RANBP2: variants seen among roughly 807,000 people sequenced by gnomAD.
RANBP2 encodes RAN binding protein 2.
In RANBP2, 57 loss-of-function variants were observed where a neutral mutation model predicts 303.6. The observed-to-expected ratio is 0.19, with a 90% CI of 0.15 to 0.23. The LOEUF is 0.23. RANBP2 is among the 10% of genes least tolerant of loss of function. RANBP2 has a pLI of 1.00. For missense variants in RANBP2, 3,138 were observed against 3,780.8 expected, an observed-to-expected ratio of 0.83 and a Z score of 4.46; for synonymous variants, 1,167 against 1,301.5, an observed-to-expected ratio of 0.90 and a Z score of 2.23.
the RANBP2 span, among the ~76,000 whole-genome samples, chr2:109,259,372 T>C: frequency 6.6e-6 from 1 of 152,184 alleles, no homozygotes; most frequent in South Asian, 2.1e-4. Context: ...GGAGGCATCC[T>C]ACATACCTGC....
At chr2:109,027,238 G>A in the RANBP2 span, among the ~76,000 whole-genome samples, 4 of 98,774 alleles carry the variant, frequency 4.0e-5, no homozygotes, top group Admixed American at 1.5e-4. Context: ...GTGAGGCTCT[G>A]TCTCAAAAAA....
the RANBP2 span, among the ~76,000 whole-genome samples, chr2:109,140,735 G>A: frequency 6.6e-6 from 1 of 151,980 alleles, no homozygotes; most frequent in Non-Finnish European, 1.5e-5. Context: ...TCTGCAAAAG[G>A]CCTATGTGCT....
chr2:109,274,627 G>A, the RANBP2 span, among the ~76,000 whole-genome samples: 1 of 152,216 alleles, frequency 6.6e-6, no homozygotes, highest in Non-Finnish European at 1.5e-5. Flanking sequence ...CATGGGCTGA[G>A]AAGAGGCGGC....
chr2:109,401,967 G>A, the RANBP2 span, among the ~76,000 whole-genome samples: 1 of 152,206 alleles, frequency 6.6e-6, no homozygotes, highest in Non-Finnish European at 1.5e-5. Context: ...CGAAAGTCAT[G>A]GCCAGGCTAC....
At chr2:109,244,734 G>A in the RANBP2 span, among the ~76,000 whole-genome samples, 1 of 152,180 alleles carries the variant, frequency 6.6e-6, no homozygotes, top group Non-Finnish European at 1.5e-5. Flanking sequence ...AGGAGTCAAA[G>A]TCACTCAGAA....
At chr2:109,726,831 T>G in the RANBP2 span, among the ~76,000 whole-genome samples, 2 of 152,140 alleles carry the variant, frequency 1.3e-5, no homozygotes, top group Non-Finnish European at 2.9e-5. Context: ...GGAGAACCTT[T>G]GGGGCCTCCC....
At chr2:109,217,062 G>A in the RANBP2 span, among the ~76,000 whole-genome samples, 1,602 of 152,300 alleles carry the variant, frequency 0.011, 30 homozygotes, top group African/African-American at 0.036. Flanking sequence ...ATTTCACTCA[G>A]CACAGTGTCC....
chr2:109,034,934 G>T, the RANBP2 span, among the ~76,000 whole-genome samples: 1 of 152,116 alleles, frequency 6.6e-6, no homozygotes, highest in Admixed American at 6.6e-5. Flanking sequence ...GAGAAGTGAG[G>T]GGGCACATTT....
chr2:109,281,696 A>G, the RANBP2 span, among the ~76,000 whole-genome samples: 1 of 152,170 alleles, frequency 6.6e-6, no homozygotes, highest in South Asian at 2.1e-4. Context: ...TTCAGGGTAG[A>G]GGAAATCAGA....
At chr2:109,301,826 T>C in the RANBP2 span, among the ~76,000 whole-genome samples, 4 of 152,208 alleles carry the variant, frequency 2.6e-5, no homozygotes, top group Non-Finnish European at 5.9e-5. Flanking sequence ...TCTGGCCCTG[T>C]CTTGCCTCTT....
the RANBP2 span, among the ~76,000 whole-genome samples, chr2:109,779,330 C>T: frequency 1.3e-5 from 1 of 77,942 alleles, no homozygotes; most frequent in East Asian, 3.9e-4. Context: ...ACCCACGAGT[C>T]ACAAGTTTAT....
At chr2:109,170,329 CCTCT>C in the RANBP2 span, among the ~76,000 whole-genome samples, 1,799 of 144,318 alleles carry the variant, frequency 0.012, 50 homozygotes, top group African/African-American at 0.044. Flanking sequence ...CTCTCTCTCT[CCTCT>C]CTCTCTCTCT....
chr2:109,704,172 T>C, the RANBP2 span, among the ~76,000 whole-genome samples: 2 of 152,302 alleles, frequency 1.3e-5, no homozygotes, highest in East Asian at 1.9e-4. Flanking sequence ...TAGTGAGCCT[T>C]GAACAGAGCT....
the RANBP2 span, among the ~76,000 whole-genome samples, chr2:109,439,331 A>T: frequency 2.6e-5 from 4 of 152,162 alleles, no homozygotes; most frequent in African/African-American, 9.7e-5. Flanking sequence ...TATTGCTGTC[A>T]CAGCCAGGTT....
At chr2:109,680,636 C>T in the RANBP2 span, among the ~76,000 whole-genome samples, 1 of 152,122 alleles carries the variant, frequency 6.6e-6, no homozygotes, top group Non-Finnish European at 1.5e-5. Flanking sequence ...ACCTGTTTTC[C>T]CCTGGCGCTG....
chr2:109,082,159 C>A, the RANBP2 span, among the ~76,000 whole-genome samples: 1 of 152,242 alleles, frequency 6.6e-6, no homozygotes, highest in African/African-American at 2.4e-5. Context: ...CAACAGTTAG[C>A]ATTTCTGTCT....
chr2:109,435,110 C>G, the RANBP2 span, among the ~76,000 whole-genome samples: 2,375 of 152,266 alleles, frequency 0.016, 63 homozygotes, highest in African/African-American at 0.054. Flanking sequence ...CAAATCTAGC[C>G]CCGGTAACTG....
the RANBP2 span, among the ~76,000 whole-genome samples, chr2:109,764,069 C>T: frequency 6.8e-6 from 1 of 146,314 alleles, no homozygotes; most frequent in Non-Finnish European, 1.5e-5. Context: ...GTTTTTTGAG[C>T]CTGAATTATC....
chr2:109,418,558 A>G, the RANBP2 span, among the ~76,000 whole-genome samples: 1 of 152,012 alleles, frequency 6.6e-6, no homozygotes, highest in Admixed American at 6.6e-5. Context: ...CTTCCCCTCC[A>G]CATCCCGGTC....
Sources: gnomAD v4.1 joint callset for allele counts (sites outside exome capture counted in the v4.1 genomes callset) on GRCh38, gnomAD v4.1.1 for gene constraint, MANE v1.5 for transcripts, NCBI Gene and HGNC (gene_info 2026-07-23, HGNC 2026-07-21) for gene names.